Variants in RANBP2 observed in about 807,000 individuals in gnomAD.
RANBP2 encodes E3 SUMO-protein ligase RanBP2.
In RANBP2, 57 loss-of-function variants were observed where a neutral mutation model predicts 303.6. The ratio of observed to expected loss-of-function variants is 0.19; its 90% CI spans 0.15 to 0.23. RANBP2 has a LOEUF of 0.23. RANBP2 is among the 10% of genes least tolerant of loss of function. The pLI is 1.00. For synonymous variants in RANBP2, 1,167 were observed against 1,301.5 expected, an observed-to-expected ratio of 0.90 and a Z score of 2.23; for missense variants, 3,138 against 3,780.8, an observed-to-expected ratio of 0.83 and a Z score of 4.46.
the RANBP2 span, among the ~76,000 whole-genome samples, chr2:108,940,495 C>G: frequency 6.6e-6 from 1 of 152,278 alleles, no homozygotes; most frequent in Non-Finnish European, 1.5e-5. Flanking sequence ...TAGTGGGAAT[C>G]TCAGTGCGTG....
At chr2:109,451,978 G>A in the RANBP2 span, among the ~76,000 whole-genome samples, 1 of 152,346 alleles carries the variant, frequency 6.6e-6, no homozygotes, top group African/African-American at 2.4e-5. Context: ...CCCCAGCAGA[G>A]AAGCACATTG....
the RANBP2 span, among the ~76,000 whole-genome samples, chr2:108,991,878 C>A: frequency 2.0e-5 from 3 of 152,166 alleles, no homozygotes; most frequent in African/African-American, 7.2e-5. Context: ...GTGATCTTGG[C>A]CCACTGGAAC....
At chr2:109,630,156 A>G in the RANBP2 span, among the ~76,000 whole-genome samples, 1 of 152,166 alleles carries the variant, frequency 6.6e-6, no homozygotes, top group East Asian at 1.9e-4. Context: ...TATAATTATA[A>G]TCCTCTAGCT....
the RANBP2 span, chr2:108,911,175 G>A: frequency 7.1e-7 from 1 of 1,418,398 alleles, no homozygotes; most frequent in Non-Finnish European, 9.9e-7. Flanking sequence ...CCCCTGGGAT[G>A]CTTTCAGGGA....
the RANBP2 span, among the ~76,000 whole-genome samples, chr2:109,408,561 C>T: frequency 1.3e-5 from 2 of 152,240 alleles, no homozygotes; most frequent in African/African-American, 4.8e-5. Flanking sequence ...CCTCGTCCTC[C>T]CATTCGCTGT....
chr2:109,529,090 C>T, the RANBP2 span, among the ~76,000 whole-genome samples: 2 of 152,212 alleles, frequency 1.3e-5, no homozygotes, highest in East Asian at 1.9e-4. Flanking sequence ...GCCATGGCTG[C>T]GGCTCCATCC....
the RANBP2 span, chr2:109,567,751 T>C: frequency 1.4e-6 from 2 of 1,441,394 alleles, no homozygotes; most frequent in Non-Finnish European, 1.9e-6. Flanking sequence ...GCAGCAATAT[T>C]ACTCACAAAT....
At chr2:109,155,161 G>A in the RANBP2 span, among the ~76,000 whole-genome samples, 5 of 152,126 alleles carry the variant, frequency 3.3e-5, no homozygotes, top group Non-Finnish European at 7.3e-5. Context: ...GGTGGTGTTC[G>A]GCATTTTGCA....
Position 108,754,927 on chromosome 2 carries a change from T to C in RANBP2, c.2225T>C (p.Val742Ala), listed in dbSNP as rs558308926. Residue 742 changes from valine (V) to alanine (A), a missense_variant, in exon 16 of 29, where the codon GTA becomes GCA. By Grantham distance (64) the Val-to-Ala change is moderately conservative. Around this residue, in one of 20 missense-constraint regions of RANBP2, gnomAD observed 194 missense variants for 197.4 expected, o/e 0.98. Transcript: ENST00000283195. ...TAGTTGCCTGTGCCCCTGGAGTCTG[T>C]AAAAGAGATGCTTAATTCAGTCATG... is the stretch of plus-strand genomic sequence containing the variant. The part of the protein sequence containing the change: ...VKKLPVPLES[V>A]KEMLNSVMQE... 6.2e-7 allele frequency: 1 copy of C among 1,611,852 alleles called. No individual in the cohort carries two copies. Among genetic ancestry groups the C allele is most frequent in the Admixed American group, 1.7e-5 (1 of 60,004 alleles).
the RANBP2 span, among the ~76,000 whole-genome samples, chr2:109,687,400 C>T: frequency 1.3e-5 from 2 of 152,160 alleles, no homozygotes; most frequent in Non-Finnish European, 2.9e-5. Context: ...TGTATTTTCC[C>T]TGCCCCATCC....
chr2:109,278,173 TC>T, the RANBP2 span, among the ~76,000 whole-genome samples: 136 of 131,282 alleles, frequency 1.0e-3, no homozygotes, highest in African/African-American at 3.6e-3. Flanking sequence ...CAAGACCCAA[TC>T]TTAAAAAAAA....
chr2:109,044,202 G>A, the RANBP2 span, among the ~76,000 whole-genome samples: 6 of 152,092 alleles, frequency 3.9e-5, no homozygotes, highest in Admixed American at 6.6e-5. Flanking sequence ...TCTCATTATT[G>A]TTTAATTAGA....
At chr2:108,897,042 T>C in the RANBP2 span, 1 of 1,614,166 alleles carries the variant, frequency 6.2e-7, no homozygotes, top group Non-Finnish European at 8.5e-7. Flanking sequence ...TGCTGTAGCC[T>C]GCCGTGCTGA....
At chr2:109,500,728 C>T in the RANBP2 span, among the ~76,000 whole-genome samples, 1 of 152,176 alleles carries the variant, frequency 6.6e-6, no homozygotes, top group Non-Finnish European at 1.5e-5. Context: ...GCCAGCGGAT[C>T]ACTTGCACTC....
At chr2:109,208,089 A>G in the RANBP2 span, among the ~76,000 whole-genome samples, 1 of 150,264 alleles carries the variant, frequency 6.7e-6, no homozygotes, top group African/African-American at 2.5e-5. Flanking sequence ...TGCTGGGCAC[A>G]GTGCTGGGCC....
the RANBP2 span, among the ~76,000 whole-genome samples, chr2:109,265,137 AT>A: frequency 2.7e-5 from 4 of 150,878 alleles, no homozygotes; most frequent in African/African-American, 7.3e-5. Context: ...TGTGTGTTTT[AT>A]TTTTTTTTCC....
chr2:109,557,353 T>C, the RANBP2 span, among the ~76,000 whole-genome samples: 1 of 152,210 alleles, frequency 6.6e-6, no homozygotes, highest in Non-Finnish European at 1.5e-5. Context: ...GGTACTCTTC[T>C]GGACTCCTTT....
the RANBP2 span, chr2:108,791,656 T>A: frequency 1.2e-6 from 2 of 1,600,068 alleles, no homozygotes; most frequent in Admixed American, 3.4e-5. Context: ...ATTGCTGTGA[T>A]ACAATTATTT....
chr2:108,888,135 T>C, the RANBP2 span, among the ~76,000 whole-genome samples: 2 of 152,202 alleles, frequency 1.3e-5, no homozygotes, highest in African/African-American at 2.4e-5. Flanking sequence ...ATGGTTTTTT[T>C]CCTTCATTTT....
Sources: allele counts gnomAD v4.1 joint callset (sites outside exome capture counted in the v4.1 genomes callset), GRCh38; gene constraint gnomAD v4.1.1; regional missense constraint gnomAD v4.1.1; transcripts MANE v1.5; gene names NCBI Gene and HGNC (gene_info 2026-07-23, HGNC 2026-07-21).